CROCC2: variants seen among roughly 807,000 people sequenced by gnomAD.
CROCC2 encodes ciliary rootlet coiled-coil protein 2.
A neutral mutation model predicts 177.6 loss-of-function variants in CROCC2; 163 were observed. That is an observed-to-expected ratio of 0.92 (90% CI 0.81 to 1.05). The LOEUF (loss-of-function observed/expected upper bound fraction) is 1.05, where lower values mean the gene tolerates loss of function less well. Among genes scored for constraint, CROCC2 ranks in the 50% least tolerant of loss-of-function variants. The probability of loss-of-function intolerance (pLI) is 0.00; values close to 1 mark genes in which losing one functional copy is unlikely to be tolerated. For missense variants in CROCC2, 1,929 were observed against 1,797.8 expected (o/e 1.07, Z -1.32); for synonymous variants, 904 against 787.3 (o/e 1.15, Z -2.48).
At chr2:240,975,012 A>G (rs1174958206) in intron 27 of CROCC2, among the ~76,000 whole-genome samples, 1 of 151,720 alleles carries the variant, frequency 6.6e-6, no homozygotes, top group Non-Finnish European at 1.5e-5. Context: ...ATCTTTGTTT[A>G]TGCTCCTGCT....
Position 240,993,033 on chromosome 2 carries a change from G to T in CROCC2, c.4947-33G>T, listed in dbSNP as rs143238287. The stretch of plus-strand genomic sequence containing the variant: ...AGCCCCCATGTGTCCCCGGGAATGC[G>T]GTGTCCACGCCTCCCTCTTTGCATC... On this transcript the variant is annotated intron_variant, in intron 31 of 31. Coordinates refer to ENST00000690015, the MANE Select transcript of CROCC2 (RefSeq NM_001351305.2). 2.0e-4 allele frequency: 140 copies of T among 715,696 alleles called. 1 individual carries two copies. Among genetic ancestry groups the T allele is most frequent in the Non-Finnish European group, 2.6e-5 (10 of 384,204 alleles). 44.3% of individuals were successfully genotyped at this position (715,696 alleles called of 1,614,324 possible).
chr2:240,930,002 G>C (rs1400638177), intron 5 of CROCC2, among the ~76,000 whole-genome samples, 164 bp from the exon 6 acceptor site: 1 of 152,246 alleles, frequency 6.6e-6, no homozygotes, highest in Non-Finnish European at 1.5e-5. Flanking sequence ...CCAGGGTGGG[G>C]TTGGGGGAGC....
Position 240,949,368 on chromosome 2 carries a change from T to G in CROCC2, c.2483-165T>G, listed in dbSNP as rs2059540364. 6.6e-6 allele frequency among the ~76,000 whole-genome samples: 1 copy of G among 152,134 alleles called. No individual in the cohort carries two copies. The highest frequency in any genetic ancestry group is 1.5e-5 in the Non-Finnish European group (1 of 68,010). ...AGCATGTAGCCTCCAGCTGCAGCCC[T>G]GTACCCTTGACCCTGCTCAGCCCAC... On this transcript the variant is annotated intron_variant, in intron 16 of 31. Coordinates refer to ENST00000690015, the MANE Select transcript of CROCC2 (RefSeq NM_001351305.2). This position sits in a 1 kb window ranked among gnomAD's most constrained non-coding sequence, Gnocchi z 4.5.
Position 240,992,072 on chromosome 2 carries a change from G to T in CROCC2, c.4946+794G>T, listed in dbSNP as rs143844706. Among the ~76,000 whole-genome samples, 164 of 152,320 alleles carry T rather than the reference G, an allele frequency of 1.1e-3. 2 individuals carry two copies. The East Asian group carries it at 0.027, about 25-fold the overall frequency. ...TTCCCGGCCTGGAAATGCTGGGAAC[G>T]GTCCTGTGGGACTCCGGCTGGGTTG... On this transcript the variant is annotated intron_variant, in intron 31 of 31. Coordinates refer to ENST00000690015, the MANE Select transcript of CROCC2 (RefSeq NM_001351305.2).
At chr2:240,950,200 G>A (rs1384153468) in intron 17 of CROCC2, 134 bp from the exon 18 acceptor site, 1 of 808,670 alleles carries the variant, frequency 1.2e-6, no homozygotes, top group Non-Finnish European at 1.9e-6. Context: ...TGGGGGGTGT[G>A]CAGCTGGCTG....
intron 19 of CROCC2, chr2:240,956,367 C>A: frequency 4.7e-6 from 1 of 211,568 alleles, no homozygotes; most frequent in Non-Finnish European, 9.6e-6. Flanking sequence ...GGAACTCACT[C>A]ACCAGAGAGA....
rs555155882 is a variant in CROCC2, at chr2:240,964,586, G to C, written c.3426G>C (p.Gly1142=). 5.8e-6 allele frequency: 9 copies of C among 1,549,450 alleles called. No homozygotes were observed. Among genetic ancestry groups the C allele is most frequent in the Admixed American group, 3.9e-5 (2 of 50,964 alleles). ...RAHLWELEQA[G]GDARQELREL... ...ACCTGTGGGAGCTGGAGCAGGCAGG[G>C]GGGGACGCCCGTCAGGAGCTCCGGG... Residue 1142 remains glycine, a synonymous_variant, in exon 22 of 32, where the codon GGG becomes GGC. Coordinates refer to ENST00000690015, the MANE Select transcript of CROCC2 (RefSeq NM_001351305.2).
rs922815260 is a variant in CROCC2 at position 240,958,978 on chromosome 2, G to C, written c.2944-323G>C. The C allele has an allele frequency of 2.9e-5, 7 of 242,448 alleles. No individual in the cohort carries two copies. Among genetic ancestry groups the C allele is most frequent in the Middle Eastern group, 1.2e-3 (1 of 826 alleles). 15.0% of individuals were successfully genotyped at this position (242,448 alleles called of 1,614,324 possible). A position where few individuals can be genotyped will look rare whatever the true frequency, so the allele number is the denominator to read the frequency against. The stretch of plus-strand genomic sequence containing the variant: ...TGAGCTCAGTCCCAAATGGAGGGTA[G>C]AGCTGCCCAGTGTGTGGTGGTCCCT... On this transcript the variant is annotated intron_variant, in intron 19 of 31. Transcript: ENST00000690015. The surrounding 1 kb of genome is among the most constrained non-coding windows in gnomAD (Gnocchi z 6.7).
intron 18 of CROCC2, among the ~76,000 whole-genome samples, chr2:240,952,383 T>C (rs973314546): frequency 3.3e-5 from 5 of 150,862 alleles, no homozygotes; most frequent in African/African-American, 1.2e-4. Context: ...CAAGATTTAT[T>C]GTCAAACTCT....
At position 240,967,458 on chromosome 2, in the gene CROCC2, G is replaced by T. The variant is rs887723355; in HGVS notation, c.4260G>T (p.Ala1420=). The T allele has an allele frequency of 1.1e-5, 17 of 1,499,102 alleles. No homozygotes were observed. The highest frequency in any genetic ancestry group is 1.5e-5 in the Non-Finnish European group (17 of 1,100,348). The allele number at this position is 1,499,102 out of a possible 1,614,324, so 92.9% of individuals were successfully genotyped here. ...VGQLQKALAE[A]EEGQRRVEGA... ...AGCTGCAGAAAGCCCTGGCTGAGGC[G>T]GAAGAAGGTGACCTCCCTTGCCCTG... is the stretch of plus-strand genomic sequence containing the variant. Residue 1420 remains alanine, a synonymous_variant, in exon 26 of 32, where the codon GCG becomes GCT. Transcript: ENST00000690015.
At chr2:240,961,207 G>A (rs910220345) in intron 20 of CROCC2, among the ~76,000 whole-genome samples, 15 of 152,194 alleles carry the variant, frequency 9.9e-5, no homozygotes, top group Non-Finnish European at 1.9e-4. Flanking sequence ...CAGTCTCTCA[G>A]ACCCTGCCTG....
chr2:240,948,765 G>A (rs1328997897), intron 15 of CROCC2, among the ~76,000 whole-genome samples: 1 of 152,140 alleles, frequency 6.6e-6, no homozygotes, highest in Non-Finnish European at 1.5e-5. Flanking sequence ...TGGCTTTTTG[G>A]GGGGACTCTT....
chr2:240,945,244 C>T (rs1392155804), intron 14 of CROCC2, among the ~76,000 whole-genome samples: 2 of 152,178 alleles, frequency 1.3e-5, no homozygotes, highest in African/African-American at 2.4e-5. Flanking sequence ...CCAGAATTTA[C>T]TTTTGACCCT....
At chr2:240,928,949 T>C (rs2059411209) in intron 5 of CROCC2, among the ~76,000 whole-genome samples, 1 of 149,344 alleles carries the variant, frequency 6.7e-6, no homozygotes, top group Non-Finnish European at 1.5e-5. Flanking sequence ...CAGAGGAGCA[T>C]GCCCTCGGAG....
At chr2:240,919,842 G>A (rs1279998166) in intron 2 of CROCC2, 141 bp from the exon 3 acceptor site, 9 of 573,008 alleles carry the variant, frequency 1.6e-5, no homozygotes, top group Admixed American at 3.1e-5. Context: ...CTCAGATCTG[G>A]GACCCCTCCC....
intron 18 of CROCC2, among the ~76,000 whole-genome samples, chr2:240,952,491 C>A (rs1294289799): frequency 3.9e-5 from 6 of 152,346 alleles, no homozygotes; most frequent in Admixed American, 2.6e-4. Flanking sequence ...ATGTTGAATG[C>A]CTTGCACAGG....
intron 14 of CROCC2, among the ~76,000 whole-genome samples, chr2:240,936,231 A>G (rs2059469495): frequency 6.6e-6 from 1 of 152,152 alleles, no homozygotes; most frequent in Admixed American, 6.5e-5. Flanking sequence ...AGTGTACAGT[A>G]TCAATGAATT....
At position 240,973,547 on chromosome 2, in the gene CROCC2, A is replaced by AC. The variant is rs1157911919; in HGVS notation, c.4401+5292dup. Among the ~76,000 whole-genome samples, 53 of 134,704 alleles carry AC rather than the reference A, an allele frequency of 3.9e-4. No homozygotes were observed. Among genetic ancestry groups the AC allele is most frequent in the African/African-American group, 1.3e-3 (44 of 34,320 alleles). 88.4% of individuals were successfully genotyped at this position (134,704 alleles called of 152,430 possible). ...CCCACTGTGCCCACGTGCCACACCC[A>AC]CCCCCCCAGCTCCCCACATCCCCAG... On this transcript the variant is annotated intron_variant, in intron 27 of 31. Coordinates refer to ENST00000690015, the MANE Select transcript of CROCC2 (RefSeq NM_001351305.2). This position sits in a 1 kb window ranked among gnomAD's most constrained non-coding sequence, Gnocchi z 4.7.
intron 1 of CROCC2, among the ~76,000 whole-genome samples, chr2:240,913,209 T>C (rs2059299283): frequency 6.6e-6 from 1 of 150,610 alleles, no homozygotes; most frequent in South Asian, 2.1e-4. Context: ...CTCACCCCCA[T>C]CCCCACTGCC....
Sources: allele counts gnomAD v4.1 joint callset (sites outside exome capture counted in the v4.1 genomes callset), GRCh38; gene constraint gnomAD v4.1.1; non-coding constraint Gnocchi (gnomAD v3.1); transcripts MANE v1.5; gene names NCBI Gene and HGNC (gene_info 2026-07-23, HGNC 2026-07-21).